KLF11: variants seen among roughly 807,000 people sequenced by gnomAD.
The protein encoded by KLF11 is KLF transcription factor 11, also known as Krueppel-like factor 11.
KLF11 carries 26 observed loss-of-function variants against 29.9 expected under a neutral mutation model. The observed-to-expected ratio is 0.87, with a 90% CI of 0.64 to 1.21. The LOEUF (loss-of-function observed/expected upper bound fraction) is 1.21, where lower values mean the gene tolerates loss of function less well. KLF11 is among the 50% of genes most tolerant of loss of function. The probability of loss-of-function intolerance (pLI) is 0.00; values close to 1 mark genes in which losing one functional copy is unlikely to be tolerated. For synonymous variants in KLF11, 318 were observed against 257.4 expected, an observed-to-expected ratio of 1.24 and a Z score of -2.25; for missense variants, 778 against 665.7, an observed-to-expected ratio of 1.17 and a Z score of -1.86.
chr2:10,052,859 G>A lies in KLF11; in HGVS notation c.*352G>A. The stretch of plus-strand genomic sequence containing the variant: ...TTGATGTTTTGTAGAAATAAGACAG[G>A]GTACTAATTTTTATACTGGTTTTTA... On this transcript the variant is annotated 3_prime_UTR_variant, in exon 4 of 4. Transcript: ENST00000305883. 3.0e-6 allele frequency: 1 copy of A among 333,710 alleles called. No homozygotes were observed. Among genetic ancestry groups the A allele is most frequent in the Non-Finnish European group, 5.4e-6 (1 of 184,220 alleles). 20.7% of individuals were successfully genotyped at this position (333,710 alleles called of 1,614,324 possible). A position where few individuals can be genotyped will look rare whatever the true frequency, so the allele number is the denominator to read the frequency against.
At chr2:10,044,436 C>T in intron 1 of KLF11, 1 of 985,494 alleles carries the variant, frequency 1.0e-6, no homozygotes, top group Non-Finnish European at 1.2e-6. Context: ...CGGGCGAGCC[C>T]CTTCCCGCCC....
chr2:10,044,421 T>G, intron 1 of KLF11: 1 of 985,478 alleles, frequency 1.0e-6, no homozygotes, highest in Non-Finnish European at 1.2e-6. Context: ...GCGGGCACTG[T>G]GGGCCGGGCG....
In KLF11 at chr2:10,053,978, A is replaced by G. The variant is rs1342161863; in HGVS notation, c.*1471A>G. 1.3e-5 allele frequency: 2 copies of G among 152,256 alleles called. No individual in the cohort carries two copies. Among genetic ancestry groups the G allele is most frequent in the Non-Finnish European group, 2.9e-5 (2 of 68,058 alleles). 9.4% of individuals were successfully genotyped at this position (152,256 alleles called of 1,614,324 possible). On this transcript the variant is annotated 3_prime_UTR_variant, in exon 4 of 4. Coordinates refer to ENST00000305883, the MANE Select transcript of KLF11 (RefSeq NM_003597.5). ...TTTATTTAAATGATGGTAAGGTGGA[A>G]TATTGAATAAAATTAGGTTTTGTGT...
At chr2:10,050,362 G>A (rs1261590602) in intron 3 of KLF11, among the ~76,000 whole-genome samples, 7 of 145,606 alleles carry the variant, frequency 4.8e-5, no homozygotes, top group Non-Finnish European at 7.5e-5. Flanking sequence ...AATGGAGATT[G>A]CGCCATTACA....
At position 10,048,341 on chromosome 2, in the gene KLF11, C is replaced by T. The variant is rs780354491; in HGVS notation, c.1004C>T (p.Pro335Leu). 11 of 1,606,200 alleles carry T rather than the reference C, an allele frequency of 6.8e-6. No individual in the cohort carries two copies. The highest frequency in any genetic ancestry group is 2.2e-5 in the South Asian group (2 of 90,294). Residue 335 changes from proline (P) to leucine (L), a missense_variant, in exon 3 of 4, where the codon CCT (proline) becomes CTT (leucine). Pro to Leu is a moderately conservative substitution (Grantham distance 98, BLOSUM62 -3). Transcript: ENST00000305883. Reference sequence around the variant, plus strand: ...CCTGTGTTCGTGGGACCTGCTGTGCCTCAGGGAGCTGTGATGTTGGTCCTG... The same window carrying T: ...CCTGTGTTCGTGGGACCTGCTGTGCTTCAGGGAGCTGTGATGTTGGTCCTG... Reference protein sequence around the residue: ...PQPVFVGPAVPQGAVMLVLPQ... With the variant: ...PQPVFVGPAVLQGAVMLVLPQ...
At position 10,043,589 on chromosome 2, in the gene KLF11, C is replaced by A. The variant is rs971236861; in HGVS notation, c.-128C>A. 2 of 537,794 alleles carry A rather than the reference C, an allele frequency of 3.7e-6. No homozygotes were observed. Among genetic ancestry groups the A allele is most frequent in the Non-Finnish European group, 4.7e-6 (2 of 423,928 alleles). The allele number at this position is 537,794 out of a possible 1,614,324, so 33.3% of individuals were successfully genotyped here. On this transcript the variant is annotated 5_prime_UTR_variant, in exon 1 of 4. Coordinates refer to ENST00000305883, the MANE Select transcript of KLF11 (RefSeq NM_003597.5). ...GCCGGGGCAGAGCCGCGCGGGCGGG[C>A]GAGGCGCGTGCCGGCCGCAGGAGCT...
rs555226036 is a variant in KLF11 at position 10,053,145 on chromosome 2, A to G, written c.*638A>G. 1.2e-4 allele frequency: 47 copies of G among 396,342 alleles called. No individual in the cohort carries two copies. In the South Asian group the frequency reaches 4.2e-3, roughly 36 times the overall value. 24.6% of individuals were successfully genotyped at this position (396,342 alleles called of 1,614,324 possible). On this transcript the variant is annotated 3_prime_UTR_variant, in exon 4 of 4. Transcript: ENST00000305883. Reference sequence around the variant, plus strand: ...TTCATAACGTTTTCAAGGAAATTCTAGGCAATCATTCCTGTCACCAAAGAA... The same window carrying G: ...TTCATAACGTTTTCAAGGAAATTCTGGGCAATCATTCCTGTCACCAAAGAA...
In KLF11 at chr2:10,043,764, T is replaced by C; in HGVS notation, c.42+6T>C. 1 of 1,364,546 alleles carries C rather than the reference T, an allele frequency of 7.3e-7. No individual in the cohort carries two copies. Among genetic ancestry groups the C allele is most frequent in the East Asian group, 3.9e-5 (1 of 25,656 alleles). The allele number at this position is 1,364,546 out of a possible 1,614,324, so 84.5% of individuals were successfully genotyped here. On this transcript the variant is annotated splice_donor_region_variant and intron_variant, in intron 1 of 3. Coordinates refer to ENST00000305883, the MANE Select transcript of KLF11 (RefSeq NM_003597.5). ...GCCCAGACGACGCGCGCGCAGTGAG[T>C]GGTGGGGCTGCCGCGGCGGGACTAC...
intron 3 of KLF11, among the ~76,000 whole-genome samples, chr2:10,049,603 T>A (rs1661342906): frequency 6.6e-6 from 1 of 152,248 alleles, no homozygotes; most frequent in South Asian, 2.1e-4. Context: ...GGTTCCATAT[T>A]TCCACCCTTC....
Position 10,047,991 on chromosome 2 carries a change from C to T in KLF11, c.654C>T (p.His218=), listed in dbSNP as rs1661271786. Residue 218 remains histidine (H), a synonymous_variant, in exon 3 of 4, where the codon CAC becomes CAT. Transcript: ENST00000305883. Reference sequence around the variant, plus strand: ...ACTTTGAAACTTTGCAGGACACACACCTCACGGACAGTTTACTCAGCACTA... The same window carrying T: ...ACTTTGAAACTTTGCAGGACACACATCTCACGGACAGTTTACTCAGCACTA... ...LGHFETLQDT[H]LTDSLLSTNL... 3 of 1,614,152 alleles carry T rather than the reference C, an allele frequency of 1.9e-6. No homozygotes were observed. The highest frequency in any genetic ancestry group is 2.2e-5 in the East Asian group (1 of 44,886).
chr2:10,044,350 G>C, intron 1 of KLF11: 1 of 985,672 alleles, frequency 1.0e-6, no homozygotes, highest in Non-Finnish European at 1.2e-6. Context: ...CCTAAGCGTC[G>C]CGACCTGGGG....
At chr2:10,043,983 C>T (rs1264009699) in intron 1 of KLF11, 1 of 866,288 alleles carries the variant, frequency 1.2e-6, no homozygotes, top group Non-Finnish European at 1.4e-6. Flanking sequence ...GTTCCCCGCG[C>T]AGCTTTGTCT....
At chr2:10,051,412 G>T (rs1383471728) in intron 3 of KLF11, among the ~76,000 whole-genome samples, 3 of 151,720 alleles carry the variant, frequency 2.0e-5, no homozygotes, top group African/African-American at 7.3e-5. Context: ...TCGCCATGTT[G>T]GTCAGGCTGG....
Position 10,052,467 on chromosome 2 carries a change from G to A in KLF11, c.1499G>A (p.Ser500Asn). ...CTGAACAGAATCGCCTCTGCAGAGA[G>A]CCCGGGGAGCCCACTGGTGAGCATG... ...GKLNRIASAE[S>N]PGSPLVSMPA... Residue 500 changes from serine (S) to asparagine (N), a missense_variant, in exon 4 of 4, where the codon AGC becomes AAC. Ser to Asn is a conservative substitution (Grantham distance 46). Transcript: ENST00000305883. 1.2e-6 allele frequency: 2 copies of A among 1,614,098 alleles called. No homozygotes were observed. Among genetic ancestry groups the A allele is most frequent in the South Asian group, 1.1e-5 (1 of 91,076 alleles).
rs149511285 is a variant in KLF11 at position 10,046,900 on chromosome 2, C to G, written c.312+481C>G. Among the ~76,000 whole-genome samples the G allele has an allele frequency of 2.9e-3, 441 of 152,306 alleles. 5 individuals carry two copies. Among genetic ancestry groups the G allele is most frequent in the African/African-American group, 0.01 (431 of 41,562 alleles). On this transcript the variant is annotated intron_variant, in intron 2 of 3. Transcript: ENST00000305883. Reference sequence around the variant, plus strand: ...AAAAAAAGAAACTTTTCTTTCATTTCTGAAAAATGTGCTCTTTCTATGGAT... The same window carrying G: ...AAAAAAAGAAACTTTTCTTTCATTTGTGAAAAATGTGCTCTTTCTATGGAT...
intron 3 of KLF11, among the ~76,000 whole-genome samples, chr2:10,050,543 C>G (rs1041635840): frequency 1.3e-5 from 2 of 151,936 alleles, no homozygotes; most frequent in African/African-American, 4.8e-5. Context: ...AACCCCGTCT[C>G]TACTAAAAAT....
chr2:10,047,578 G>T, intron 2 of KLF11, 72 bp from the exon 3 acceptor site: 1 of 1,237,438 alleles, frequency 8.1e-7, no homozygotes, highest in South Asian at 1.2e-5. Context: ...TAAAGGTATT[G>T]GGAGCATTGT....
rs781624933 is a variant in KLF11 at position 10,048,048 on chromosome 2, G to A, written c.711G>A (p.Lys237=). 5.6e-6 allele frequency: 9 copies of A among 1,614,102 alleles called. No homozygotes were observed. In the Admixed American group the frequency reaches 1.3e-4, roughly 24 times the overall value. ...TGTCCTGTCAGCCCTGCTTGCACAA[G>A]TCTGGTGGCCTGCTGCTCACTGACA... is the stretch of plus-strand genomic sequence containing the variant. ...NLVSCQPCLH[K]SGGLLLTDKG... Residue 237 remains lysine, a synonymous_variant, in exon 3 of 4, where the codon AAG becomes AAA. Transcript: ENST00000305883.
Position 10,048,114 on chromosome 2 carries a change from C to T in KLF11, c.777C>T (p.Cys259=). The change falls in exon 3 of 4, where the codon TGC becomes TGT. Residue 259 remains cysteine, a synonymous_variant. Transcript: ENST00000305883. ...GGTGGCCTGGTGCAGTTCAGACTTG[C>T]TCACCAAAGAATTATGAAAATGACC... The part of the protein sequence containing the change: ...QAGWPGAVQT[C]SPKNYENDLP... 6.2e-7 allele frequency: 1 copy of T among 1,614,234 alleles called. No individual in the cohort carries two copies. Among genetic ancestry groups the T allele is most frequent in the African/African-American group, 1.3e-5 (1 of 75,058 alleles).
Sources: allele counts gnomAD v4.1 joint callset (sites outside exome capture counted in the v4.1 genomes callset), GRCh38; gene constraint gnomAD v4.1.1; transcripts MANE v1.5; gene names NCBI Gene and HGNC (gene_info 2026-07-23, HGNC 2026-07-21).